DIAPH2: variants seen among roughly 807,000 people sequenced by gnomAD.
DIAPH2 encodes diaphanous related formin 2.
Under a neutral mutation model 92.7 loss-of-function variants are expected in DIAPH2, and 35 were observed. That is an observed-to-expected ratio of 0.38 (90% CI 0.29 to 0.50). The LOEUF (loss-of-function observed/expected upper bound fraction) is 0.50. DIAPH2 is among the 20% of genes least tolerant of loss of function. The probability of loss-of-function intolerance (pLI) is 0.94; values close to 1 mark genes in which losing one functional copy is unlikely to be tolerated. For missense variants in DIAPH2, 701 were observed against 819.5 expected, an observed-to-expected ratio of 0.86 and a Z score of 1.77; for synonymous variants, 301 against 280.4, an observed-to-expected ratio of 1.07 and a Z score of -0.73.
chrX:96,974,735 A>G (rs1569269250), intron 17 of DIAPH2, among the ~76,000 whole-genome samples: 1 of 111,553 alleles, frequency 9.0e-6, no homozygotes, highest in Non-Finnish European at 1.9e-5. Flanking sequence ...TTGGGGGCAT[A>G]GAATCATCAA....
intron 4 of DIAPH2, among the ~76,000 whole-genome samples, chrX:96,810,479 T>C (rs1029448174): frequency 1.8e-5 from 2 of 111,878 alleles, no homozygotes; most frequent in Admixed American, 1.9e-4. Context: ...GCCTGTTCAC[T>C]CTGATGGGAG....
chrX:96,798,195 C>A (rs2064555084), intron 4 of DIAPH2, among the ~76,000 whole-genome samples: 1 of 112,315 alleles, frequency 8.9e-6, no homozygotes, highest in Non-Finnish European at 1.9e-5. Context: ...ATTATTTCTT[C>A]AACTATTTGT....
At chrX:97,116,677 A>G (rs369263648) in intron 21 of DIAPH2, among the ~76,000 whole-genome samples, 1 of 112,057 alleles carries the variant, frequency 8.9e-6, no homozygotes, top group East Asian at 2.8e-4. Flanking sequence ...AGAAATTTGT[A>G]TTAGATACCT....
At chrX:97,230,916 G>A (rs1468623444) in intron 22 of DIAPH2, among the ~76,000 whole-genome samples, 1 of 112,294 alleles carries the variant, frequency 8.9e-6, no homozygotes, top group Non-Finnish European at 1.9e-5. Flanking sequence ...CTACAGGTAT[G>A]AAAACTGAGA....
chrX:97,574,187 A>G (rs184541801), intron 26 of DIAPH2, among the ~76,000 whole-genome samples: 2 of 111,954 alleles, frequency 1.8e-5, no homozygotes, highest in African/African-American at 6.5e-5. Flanking sequence ...GAACTGACCT[A>G]TCTCCAATAG....
chrX:97,587,571 C>A (rs1241346644), intron 26 of DIAPH2, among the ~76,000 whole-genome samples: 1 of 112,175 alleles, frequency 8.9e-6, no homozygotes, highest in African/African-American at 3.2e-5. Context: ...TAAATTCTGA[C>A]TTCTGGCTGA....
At chrX:96,981,451 G>A (rs1418635155) in intron 17 of DIAPH2, among the ~76,000 whole-genome samples, 3 of 111,510 alleles carry the variant, frequency 2.7e-5, no homozygotes, top group Non-Finnish European at 3.8e-5. Context: ...CTATCAAAAG[G>A]TTTTATGAGA....
intron 17 of DIAPH2, among the ~76,000 whole-genome samples, chrX:96,994,322 CG>C (rs2066090874): frequency 9.0e-6 from 1 of 111,635 alleles, no homozygotes; most frequent in African/African-American, 3.3e-5. Context: ...ATGATTCCCA[CG>C]TGTCTTGCTC....
intron 24 of DIAPH2, among the ~76,000 whole-genome samples, chrX:97,349,328 A>T (rs1602526903): frequency 9.1e-6 from 1 of 110,279 alleles, no homozygotes; most frequent in African/African-American, 3.3e-5. Flanking sequence ...ACCTCAAGTG[A>T]TCCACCTACC....
intron 3 of DIAPH2, among the ~76,000 whole-genome samples, chrX:96,750,649 T>A (rs1170755694): frequency 8.9e-6 from 1 of 112,174 alleles, no homozygotes; most frequent in African/African-American, 3.2e-5. Context: ...GTTCTAACGG[T>A]GACACAAAGA....
At chrX:96,744,327 A>T (rs1353795015) in intron 3 of DIAPH2, among the ~76,000 whole-genome samples, 7 of 112,391 alleles carry the variant, frequency 6.2e-5, no homozygotes, top group Non-Finnish European at 1.3e-4. Flanking sequence ...CCATTTTCAG[A>T]TGAGGAAAGT....
At chrX:97,065,677 A>C (rs903727009) in intron 17 of DIAPH2, among the ~76,000 whole-genome samples, 11 of 111,554 alleles carry the variant, frequency 9.9e-5, no homozygotes, top group Non-Finnish European at 1.9e-4. Context: ...TTGTTAAAAA[A>C]AAAAAAAGTT....
At chrX:97,500,763 G>GAT (rs56041649) in intron 26 of DIAPH2, among the ~76,000 whole-genome samples, 3,937 of 59,869 alleles carry the variant, frequency 0.066, 190 homozygotes, top group Non-Finnish European at 0.079. Flanking sequence ...CATTCAAGGA[G>GAT]ATATATATAT....
chrX:96,948,477 G>A (rs1161141721), intron 14 of DIAPH2, among the ~76,000 whole-genome samples: 1 of 111,659 alleles, frequency 9.0e-6, no homozygotes, highest in Non-Finnish European at 1.9e-5. Context: ...AGAGGCTGAG[G>A]CAGGAGAATT....
intron 25 of DIAPH2, among the ~76,000 whole-genome samples, chrX:97,421,987 T>C (rs2070013412): frequency 8.9e-6 from 1 of 111,874 alleles, no homozygotes; most frequent in African/African-American, 3.2e-5. Flanking sequence ...AACTCTTTTT[T>C]ACCCCCTTAA....
Position 97,244,813 on chromosome X carries a change from G to A in DIAPH2, c.2720-2902G>A, listed in dbSNP as rs150731696. Among the ~76,000 whole-genome samples, 293 of 111,989 alleles carry A rather than the reference G, an allele frequency of 2.6e-3. 1 individual carries two copies. Among genetic ancestry groups the A allele is most frequent in the African/African-American group, 8.8e-3 (271 of 30,894 alleles). On this transcript the variant is annotated intron_variant, in intron 22 of 26. Coordinates refer to ENST00000324765, the MANE Select transcript of DIAPH2 (RefSeq NM_006729.5). ...ATATAGCAAAGTTAGCTCTCAGGCC[G>A]GACATGGTGGCTCATGCCTGTAATC...
chrX:96,908,609 T>C (rs1602619592), intron 5 of DIAPH2, among the ~76,000 whole-genome samples: 2 of 110,429 alleles, frequency 1.8e-5, no homozygotes, highest in East Asian at 5.7e-4. Flanking sequence ...TGTTTGTTTG[T>C]TTTTTTTGAG....
chrX:96,993,725 G>T (rs1020742365), intron 17 of DIAPH2, among the ~76,000 whole-genome samples: 4 of 111,904 alleles, frequency 3.6e-5, no homozygotes, highest in Non-Finnish European at 5.6e-5. Context: ...TAAAGTAATT[G>T]CTATACTACA....
chrX:97,070,706 T>C, intron 17 of DIAPH2, among the ~76,000 whole-genome samples: 1 of 111,739 alleles, frequency 8.9e-6, no homozygotes, highest in Non-Finnish European at 1.9e-5. Flanking sequence ...AGAAAAGCAG[T>C]GCCCACTCAT....
Sources: gnomAD v4.1 joint callset for allele counts (sites outside exome capture counted in the v4.1 genomes callset) on GRCh38, gnomAD v4.1.1 for gene constraint, MANE v1.5 for transcripts, NCBI Gene and HGNC (gene_info 2026-07-23, HGNC 2026-07-21) for gene names.